DENND2B: variants seen among roughly 807,000 people sequenced by gnomAD.
DENND2B encodes the protein DENN domain containing 2B, also known as DENN domain-containing protein 2B.
A neutral mutation model predicts 116.0 loss-of-function variants in DENND2B; 32 were observed. That is an observed-to-expected ratio of 0.28 (90% confidence interval 0.21 to 0.37). The LOEUF (loss-of-function observed/expected upper bound fraction) is 0.37, where lower values mean the gene tolerates loss of function less well. DENND2B is among the 10% of genes least tolerant of loss of function. The pLI is 1.00. For synonymous variants in DENND2B, 588 were observed against 583.9 expected (o/e 1.01, Z -0.10); for missense variants, 1,276 against 1,477.7 (o/e 0.86, Z 2.24).
intron 1 of DENND2B, among the ~76,000 whole-genome samples, chr11:8,797,432 T>G: frequency 1.5e-5 from 2 of 132,030 alleles, no homozygotes; most frequent in East Asian, 2.5e-4. Flanking sequence ...TCTTATCCCC[T>G]TCCCCCTTCT....
At chr11:8,747,148 G>A (rs2051409866) in intron 2 of DENND2B, among the ~76,000 whole-genome samples, 1 of 152,142 alleles carries the variant, frequency 6.6e-6, no homozygotes, top group African/African-American at 2.4e-5. Context: ...AATAGCTAAT[G>A]GCTTCTACGT....
upstream of DENND2B, among the ~76,000 whole-genome samples, chr11:8,874,585 C>A (rs1331016505): frequency 1.3e-5 from 2 of 152,200 alleles, no homozygotes; most frequent in Non-Finnish European, 2.9e-5. Context: ...ACAATGATTT[C>A]TTCCTAGGTA....
chr11:8,749,597 A>G (rs1044930272), intron 2 of DENND2B, among the ~76,000 whole-genome samples: 3 of 152,212 alleles, frequency 2.0e-5, no homozygotes, highest in East Asian at 1.9e-4. Flanking sequence ...CTATTCTACC[A>G]ACTATATCTG....
At chr11:8,796,468 G>A (rs1004126626) in intron 1 of DENND2B, among the ~76,000 whole-genome samples, 2 of 152,230 alleles carry the variant, frequency 1.3e-5, no homozygotes, top group African/African-American at 4.8e-5. Flanking sequence ...TAACCAGGCA[G>A]GCAACGGTTG....
chr11:8,899,133 T>G (rs1397726510), intron 1 of DENND2B, among the ~76,000 whole-genome samples: 1 of 151,928 alleles, frequency 6.6e-6, no homozygotes, highest in African/African-American at 2.4e-5. Flanking sequence ...AACTGGAAGA[T>G]AGATAGATCA....
chr11:8,708,500 G>T (rs532051384), intron 11 of DENND2B, among the ~76,000 whole-genome samples: 1 of 152,238 alleles, frequency 6.6e-6, no homozygotes, highest in Admixed American at 6.5e-5. Context: ...ATTGCCTAAG[G>T]CCACCTATCT....
intron 3 of DENND2B, among the ~76,000 whole-genome samples, chr11:8,850,975 G>A (rs1169829996): frequency 6.6e-6 from 1 of 152,150 alleles, no homozygotes; most frequent in African/African-American, 2.4e-5. Flanking sequence ...ATCTAGAAAA[G>A]TTGAACTCAT....
intron 14 of DENND2B, among the ~76,000 whole-genome samples, chr11:8,701,342 T>C (rs1028163463): frequency 1.6e-4 from 1 of 6,116 alleles, no homozygotes; most frequent in South Asian, 0.013. Context: ...AAGGCCAGCT[T>C]CCGGGGGGGG....
At chr11:8,749,980 T>TC (rs2052055161) in intron 2 of DENND2B, among the ~76,000 whole-genome samples, 1 of 152,246 alleles carries the variant, frequency 6.6e-6, no homozygotes, top group Admixed American at 6.5e-5. Flanking sequence ...TAAAATTTAT[T>TC]GAGTAGCTTT....
At chr11:8,894,856 C>G (rs1025232487) in intron 1 of DENND2B, among the ~76,000 whole-genome samples, 1 of 152,116 alleles carries the variant, frequency 6.6e-6, no homozygotes, top group Non-Finnish European at 1.5e-5. Context: ...CCTCAAGGAT[C>G]CAGAACTAGA....
intron 1 of DENND2B, among the ~76,000 whole-genome samples, chr11:8,755,288 T>C (rs190028520): frequency 6.6e-6 from 1 of 152,364 alleles, no homozygotes; most frequent in African/African-American, 2.4e-5. Context: ...TGGCCACTGA[T>C]GACCTTAATC....
chr11:8,754,029 G>GCGCGCGCGCGCACACACACA (rs146486674), intron 1 of DENND2B, among the ~76,000 whole-genome samples: 10 of 138,830 alleles, frequency 7.2e-5, no homozygotes, highest in Admixed American at 2.2e-4. Context: ...CCAAAAGCGC[G>GCGCGCGCGCGCACACACACA]CACACACACA....
Position 8,702,908 on chromosome 11 carries a change from G to A in DENND2B, c.2572-188C>T, listed in dbSNP as rs143411658. ...CTACAGCTCTGCTCTCGTAGCACTCGAACACCCAGCCTGTGGGCAAGAGGG... is the reference window on the plus strand; with the variant it reads ...CTACAGCTCTGCTCTCGTAGCACTCAAACACCCAGCCTGTGGGCAAGAGGG... On this transcript the variant is annotated intron_variant, in intron 13 of 19. Transcript: ENST00000313726. The surrounding 1 kb of genome is among the most constrained non-coding windows in gnomAD (Gnocchi z 4.6). The A allele has an allele frequency of 1.6e-3, 1,155 of 716,346 alleles. 10 individuals carry two copies. The African/African-American group carries it at 0.018, about 11-fold the overall frequency. 44.4% of individuals were successfully genotyped at this position (716,346 alleles called of 1,614,324 possible).
intron 2 of DENND2B, among the ~76,000 whole-genome samples, chr11:8,867,040 C>A (rs145092964): frequency 2.2e-4 from 34 of 152,316 alleles, no homozygotes; most frequent in African/African-American, 7.9e-4. Flanking sequence ...CTTTAGTTGA[C>A]AAACATCACT....
At chr11:8,896,065 C>T (rs889983624) in intron 1 of DENND2B, among the ~76,000 whole-genome samples, 2 of 152,112 alleles carry the variant, frequency 1.3e-5, no homozygotes, top group African/African-American at 4.8e-5. Context: ...GTATAACTTA[C>T]ATTTATTAAA....
intron 1 of DENND2B, among the ~76,000 whole-genome samples, chr11:8,781,974 G>A (rs2058422070): frequency 1.3e-5 from 2 of 152,140 alleles, no homozygotes; most frequent in African/African-American, 4.8e-5. Context: ...ATATACATTG[G>A]TGGTAAACAC....
At chr11:8,817,961 C>G (rs2061629005) in intron 4 of DENND2B, among the ~76,000 whole-genome samples, 1 of 151,634 alleles carries the variant, frequency 6.6e-6, no homozygotes, top group Non-Finnish European at 1.5e-5. Context: ...CCATTTTACC[C>G]TTCTAAAATA....
At chr11:8,853,124 G>C (rs1261533957) in intron 3 of DENND2B, among the ~76,000 whole-genome samples, 1 of 152,204 alleles carries the variant, frequency 6.6e-6, no homozygotes, top group Non-Finnish European at 1.5e-5. Flanking sequence ...AGCACTTAGG[G>C]AGGATGAGGC....
At chr11:8,874,380 A>G (rs548699270), upstream of DENND2B, among the ~76,000 whole-genome samples, 13 of 152,344 alleles carry the variant, frequency 8.5e-5, no homozygotes, top group African/African-American at 2.9e-4. Flanking sequence ...TTATATACCA[A>G]AATAGAACTT....
Sources: allele counts gnomAD v4.1 joint callset (sites outside exome capture counted in the v4.1 genomes callset), GRCh38; gene constraint gnomAD v4.1.1; non-coding constraint Gnocchi (gnomAD v3.1); transcripts MANE v1.5; gene names NCBI Gene and HGNC (gene_info 2026-07-23, HGNC 2026-07-21).